Variants in PUF60 observed in about 807,000 individuals in gnomAD.
The protein encoded by PUF60 is poly(U) binding splicing factor 60, also known as poly(U)-binding-splicing factor PUF60.
A neutral mutation model predicts 61.8 loss-of-function variants in PUF60; 10 were observed. The ratio of observed to expected loss-of-function variants is 0.16; its 90% CI spans 0.10 to 0.27. The LOEUF is 0.27. Ranked by LOEUF, PUF60 falls within the 10% of genes least tolerant of loss-of-function variation. The probability of loss-of-function intolerance (pLI) is 1.00; values close to 1 mark genes in which losing one functional copy is unlikely to be tolerated. For missense variants in PUF60, 371 were observed against 754.0 expected (o/e 0.49, Z 5.95); for synonymous variants, 353 against 300.9 (o/e 1.17, Z -1.79).
At chr8:143,824,273 G>T (rs1434454435) in intron 2 of PUF60, 40 bp downstream of exon 2, 2 of 1,512,740 alleles carry the variant, frequency 1.3e-6, no homozygotes, top group African/African-American at 1.4e-5. Context: ...CGGGCGGGCA[G>T]GCGGGCGGGC....
At position 143,817,502 on chromosome 8, in the gene PUF60, T is replaced by C; in HGVS notation, c.1009-36A>G. 6.2e-7 allele frequency: 1 copy of C among 1,609,052 alleles called. No homozygotes were observed. The highest frequency in any genetic ancestry group is 8.5e-7 in the Non-Finnish European group (1 of 1,179,010). ...AAAGGTCACCGTGCTCAGTCCCTGG[T>C]CTGGCTACTCAAGACCACCTTGAAT... On this transcript the variant is annotated intron_variant, in intron 9 of 11. Transcript: ENST00000526683. This position sits in a 1 kb window ranked among gnomAD's most constrained non-coding sequence, Gnocchi z 7.4.
chr8:143,828,912 C>T (rs1208948170), intron 1 of PUF60: 25 of 986,138 alleles, frequency 2.5e-5, no homozygotes, highest in Non-Finnish European at 3.0e-5. Context: ...ACCCCCAGAA[C>T]CCCGCTTCCG....
At chr8:143,826,744 T>C (rs1185530617) in intron 1 of PUF60, among the ~76,000 whole-genome samples, 2 of 151,802 alleles carry the variant, frequency 1.3e-5, no homozygotes, top group Non-Finnish European at 2.9e-5. Flanking sequence ...AAAAAAATAA[T>C]GTGGAGCGAA....
At position 143,829,310 on chromosome 8, in the gene PUF60, T is replaced by G. The variant is rs1213235770; in HGVS notation, c.-7A>C. Reference sequence around the variant, plus strand: ...CTATGGTCGCCGTCGCCATCTTGCGTCCGTCGCGGCCTCCGCGCGCGCCTC... The same window carrying G: ...CTATGGTCGCCGTCGCCATCTTGCGGCCGTCGCGGCCTCCGCGCGCGCCTC... On this transcript the variant is annotated 5_prime_UTR_variant, in exon 1 of 12. Coordinates refer to ENST00000526683, the MANE Select transcript of PUF60 (RefSeq NM_078480.3). 48 of 1,262,236 alleles carry G rather than the reference T, an allele frequency of 3.8e-5. No homozygotes were observed. The highest frequency in any genetic ancestry group is 4.7e-5 in the Non-Finnish European group (47 of 997,710). The allele number at this position is 1,262,236 out of a possible 1,614,324, so 78.2% of individuals were successfully genotyped here.
chr8:143,816,417 G>T lies in PUF60; in HGVS notation c.*103C>A. On this transcript the variant is annotated 3_prime_UTR_variant, in exon 12 of 12. Transcript: ENST00000526683. ...ATCCGCACCTTTATCCGCACTGTAG[G>T]CTGGGCTGGGCAGAGCGCGCCTGGC... 1 of 1,321,366 alleles carries T rather than the reference G, an allele frequency of 7.6e-7. No homozygotes were observed. The highest frequency in any genetic ancestry group is 1.0e-6 in the Non-Finnish European group (1 of 978,038). 81.9% of individuals were successfully genotyped at this position (1,321,366 alleles called of 1,614,324 possible).
Position 143,825,528 on chromosome 8 carries a change from C to CT in PUF60, c.25-1130dup, listed in dbSNP as rs775480061. Among the ~76,000 whole-genome samples, 913 of 147,544 alleles carry CT rather than the reference C, an allele frequency of 6.2e-3. 7 individuals carry two copies. Among genetic ancestry groups the CT allele is most frequent in the East Asian group, 0.057 (290 of 5,066 alleles). On this transcript the variant is annotated intron_variant, in intron 1 of 11. Transcript: ENST00000526683. ...TGCACAGCCAGAGCAGAGGCTGCCT[C>CT]TTTTTTTTTTTTGAGACAGGGTCTG... is the stretch of plus-strand genomic sequence containing the variant.
chr8:143,824,335 C>CCCGCTGCCA lies in PUF60; in HGVS notation c.80_88dup (p.Val27_Ala29dup). 1.9e-6 allele frequency: 3 copies of CCCGCTGCCA among 1,612,294 alleles called. No homozygotes were observed. Among genetic ancestry groups the CCCGCTGCCA allele is most frequent in the Non-Finnish European group, 2.5e-6 (3 of 1,179,616 alleles). On this transcript the variant is annotated inframe_insertion, in exon 2 of 12. Coordinates refer to ENST00000526683, the MANE Select transcript of PUF60 (RefSeq NM_078480.3). ...TACCTGTGGAGGTTTCCATTTGTCT[C>CCCGCTGCCA]CCGCTGCCACCACTGCCGCCGCCGC...
chr8:143,818,553 G>GA lies in PUF60; in HGVS notation c.349-20dup. On this transcript the variant is annotated intron_variant, in intron 5 of 11. Transcript: ENST00000526683. This position sits in a 1 kb window ranked among gnomAD's most constrained non-coding sequence, Gnocchi z 7.9. Reference sequence around the variant, plus strand: ...CCGCCATCTGCAGCAGGACAGAGGGGAGAGAACCGCTGGCTCGTCAGGGGC... The same window carrying GA: ...CCGCCATCTGCAGCAGGACAGAGGGGAAGAGAACCGCTGGCTCGTCAGGGGC... 1 of 1,563,986 alleles carries GA rather than the reference G, an allele frequency of 6.4e-7. No homozygotes were observed. Among genetic ancestry groups the GA allele is most frequent in the South Asian group, 1.2e-5 (1 of 85,812 alleles).
intron 4 of PUF60, 31 bp downstream of exon 4, chr8:143,821,566 G>A: frequency 6.6e-7 from 1 of 1,517,546 alleles, no homozygotes; most frequent in Non-Finnish European, 8.9e-7. Flanking sequence ...CTGTGGTGGG[G>A]AGGGCGGTAG....
Position 143,821,931 on chromosome 8 carries a change from G to A in PUF60, c.112-18C>T, listed in dbSNP as rs756181292. 2 of 1,562,826 alleles carry A rather than the reference G, an allele frequency of 1.3e-6. No individual in the cohort carries two copies. The highest frequency in any genetic ancestry group is 1.3e-5 in the African/African-American group (1 of 74,126). On this transcript the variant is annotated intron_variant, in intron 2 of 11. Transcript: ENST00000526683. ...TCTGTGCCCTGGTAAGGGAGCAGGG[G>A]AATCCATCAGCAGCAAGCTCAAGTT...
chr8:143,817,073 C>T lies in PUF60; in HGVS notation c.1217G>A (p.Ser406Asn). 6.2e-7 allele frequency: 1 copy of T among 1,611,718 alleles called. No homozygotes were observed. Among genetic ancestry groups the T allele is most frequent in the East Asian group, 2.2e-5 (1 of 44,832 alleles). Residue 406 changes from serine (S) to asparagine (N), a missense_variant, in exon 11 of 12, where the codon AGC becomes AAC. Ser to Asn is a conservative substitution (Grantham distance 46). Transcript: ENST00000526683. This position sits in a 1 kb window ranked among gnomAD's most constrained non-coding sequence, Gnocchi z 7.4. ...SVGVVNPILA[S>N]PPTLGLLEPK... Reference sequence around the variant, plus strand: ...CTCCAGGAGACCCAGCGTTGGAGGGCTGGCCAGGATGGGGTTCACCACTCC... The same window carrying T: ...CTCCAGGAGACCCAGCGTTGGAGGGTTGGCCAGGATGGGGTTCACCACTCC...
rs1450117810 is a variant in PUF60 at position 143,821,909 on chromosome 8, G to A, written c.116C>T (p.Thr39Ile). ...CCCGTTCTCCATCTTGATGGAGTCT[G>A]TGCCCTGGTAAGGGAGCAGGGGAAT... ...AGDKWKPPQG[T>I]DSIKMENGQS... Residue 39 changes from threonine (T) to isoleucine (I), a missense_variant, in exon 3 of 12, where the codon ACA becomes ATA. Around this residue, in one of 13 missense-constraint regions of PUF60, gnomAD observed 69 missense variants for 64.7 expected, o/e 1.07. Coordinates refer to ENST00000526683, the MANE Select transcript of PUF60 (RefSeq NM_078480.3). 2.5e-6 allele frequency: 4 copies of A among 1,599,160 alleles called. No homozygotes were observed. The South Asian group carries it at 3.4e-5, about 13-fold the overall frequency.
intron 1 of PUF60, chr8:143,828,904 C>A (rs986676273): frequency 1.0e-6 from 1 of 984,920 alleles, no homozygotes; most frequent in African/African-American, 1.7e-5. Flanking sequence ...CACGCGTCAC[C>A]CCCAGAACCC....
At position 143,824,309 on chromosome 8, in the gene PUF60, G is replaced by A; in HGVS notation, c.111+4C>T. On this transcript the variant is annotated splice_donor_region_variant and intron_variant, in intron 2 of 11. Transcript: ENST00000526683. ...CTGAGGGAGAGGATGCTTAAGGTCA[G>A]TACCTGTGGAGGTTTCCATTTGTCT... 6.2e-7 allele frequency: 1 copy of A among 1,608,350 alleles called. No homozygotes were observed. Among genetic ancestry groups the A allele is most frequent in the Non-Finnish European group, 8.5e-7 (1 of 1,178,300 alleles).
chr8:143,821,085 C>T (rs1816961015), intron 4 of PUF60, among the ~76,000 whole-genome samples: 1 of 152,248 alleles, frequency 6.6e-6, no homozygotes, highest in South Asian at 2.1e-4. Flanking sequence ...CCGGCCTCTT[C>T]CCACGAAGGT....
chr8:143,820,861 C>G (rs1041198856), intron 4 of PUF60, 145 bp from the exon 5 acceptor site: 9 of 800,978 alleles, frequency 1.1e-5, no homozygotes, highest in Non-Finnish European at 1.9e-5. Context: ...CGGCCGCCAG[C>G]ACCTGCCCAG....
chr8:143,824,024 G>T (rs1817328772), intron 2 of PUF60, among the ~76,000 whole-genome samples: 1 of 152,250 alleles, frequency 6.6e-6, no homozygotes, highest in Admixed American at 6.5e-5. Context: ...CCAGGCCCCG[G>T]CGTCCCCGCC....
At chr8:143,820,012 C>G (rs928832248) in intron 5 of PUF60, among the ~76,000 whole-genome samples, 1 of 152,240 alleles carries the variant, frequency 6.6e-6, no homozygotes, top group African/African-American at 2.4e-5. Context: ...TCAGGATCCC[C>G]GAGATGGGAC....
At chr8:143,820,411 C>T (rs1469754934) in intron 5 of PUF60, 4 of 555,984 alleles carry the variant, frequency 7.2e-6, no homozygotes, top group Admixed American at 3.2e-5. Flanking sequence ...CCGCCCTGGC[C>T]GGCTGCCCTC....
Sources: gnomAD v4.1 joint callset for allele counts (sites outside exome capture counted in the v4.1 genomes callset) on GRCh38, gnomAD v4.1.1 for gene constraint, gnomAD v4.1.1 regional missense constraint, Gnocchi (gnomAD v3.1) non-coding constraint, MANE v1.5 for transcripts, NCBI Gene and HGNC (gene_info 2026-07-23, HGNC 2026-07-21) for gene names.